Variants in KIF25 observed in about 807,000 individuals in gnomAD.
The protein encoded by KIF25 is kinesin-like protein KIF25.
Under a neutral mutation model 32.9 loss-of-function variants are expected in KIF25, and 19 were observed. The ratio of observed to expected loss-of-function variants is 0.58; its 90% CI spans 0.40 to 0.85. The LOEUF is 0.85. Among genes scored for constraint, KIF25 ranks in the 40% least tolerant of loss-of-function variants. KIF25 has a pLI of 0.00. For synonymous variants in KIF25, 225 were observed against 213.7 expected (o/e 1.05, Z -0.46); for missense variants, 485 against 507.0 (o/e 0.96, Z 0.42).
intron 8 of KIF25, among the ~76,000 whole-genome samples, chr6:168,034,665 C>G (rs1438100472): frequency 6.6e-6 from 1 of 152,138 alleles, no homozygotes; most frequent in Non-Finnish European, 1.5e-5. Flanking sequence ...ATGGGAAGCA[C>G]AGAGGGAAAA....
rs146001669 is a variant in KIF25, at chr6:168,008,725, G to A, written c.-163+5022G>A. Among the ~76,000 whole-genome samples, 1,412 of 152,074 alleles carry A rather than the reference G, an allele frequency of 9.3e-3. 23 individuals carry two copies. Among genetic ancestry groups the A allele is most frequent in the African/African-American group, 0.03 (1,266 of 41,510 alleles). The stretch of plus-strand genomic sequence containing the variant: ...TTGAGCATGAGATGTCTTTCCATTT[G>A]TTTGCATCCTCTTCAATTTCTTTCA... On this transcript the variant is annotated intron_variant, in intron 4 of 12. Coordinates refer to ENST00000643607, the MANE Select transcript of KIF25 (RefSeq NM_030615.4).
chr6:168,030,450 C>CCCTCT (rs1271762512), intron 6 of KIF25: 3 of 143,058 alleles, frequency 2.1e-5, no homozygotes, highest in Non-Finnish European at 3.1e-5. Flanking sequence ...CCCTCCCCTC[C>CCCTCT]CCTCTCATCT....
intron 12 of KIF25, 148 bp from the exon 13 acceptor site, chr6:168,044,679 A>T: frequency 1.3e-6 from 1 of 782,988 alleles, no homozygotes; most frequent in South Asian, 1.7e-5. Context: ...CCCCCGTCCC[A>T]GGAACCTGCC....
At position 168,042,093 on chromosome 6, in the gene KIF25, T is replaced by G. The variant is rs1482842754; in HGVS notation, c.771T>G (p.His257Gln). 6.4e-7 allele frequency: 1 copy of G among 1,551,566 alleles called. No homozygotes were observed. Among genetic ancestry groups the G allele is most frequent in the East Asian group, 2.4e-5 (1 of 41,050 alleles). ...TGGTTCCTGGGAACCCCGCAGGGCATGCGGAGCAGGTGCAGGCTCGACTAC... is the reference window on the plus strand; with the variant it reads ...TGGTTCCTGGGAACCCCGCAGGGCAGGCGGAGCAGGTGCAGGCTCGACTAC... ...PQLVPGNPAG[H>Q]AEQVQARLQL... Residue 257 changes from histidine (H) to glutamine (Q), a missense_variant, in exon 11 of 13, where the codon CAT becomes CAG. His to Gln is a conservative substitution (Grantham distance 24). Around this residue, in one of 2 missense-constraint regions of KIF25, gnomAD observed 480 missense variants for 470.3 expected, o/e 1.02. Coordinates refer to ENST00000643607, the MANE Select transcript of KIF25 (RefSeq NM_030615.4).
At chr6:168,009,671 T>C (rs12194885) in intron 4 of KIF25, among the ~76,000 whole-genome samples, 24,904 of 152,112 alleles carry the variant, frequency 0.16, 2,057 homozygotes, top group South Asian at 0.2. Context: ...TTTAAAGGTT[T>C]GGTCGAATTT....
At chr6:168,040,698 A>T (rs1037022471) in intron 10 of KIF25, among the ~76,000 whole-genome samples, 1 of 152,224 alleles carries the variant, frequency 6.6e-6, no homozygotes, top group Non-Finnish European at 1.5e-5. Context: ...GTCCACTGGG[A>T]TCCCAGGCTG....
intron 4 of KIF25, among the ~76,000 whole-genome samples, chr6:168,009,088 C>T (rs543270795): frequency 6.6e-6 from 1 of 152,192 alleles, no homozygotes; most frequent in South Asian, 2.1e-4. Context: ...TGCCTAATTG[C>T]TATGACTAGG....
At chr6:168,006,171 A>G (rs915462272) in intron 4 of KIF25, among the ~76,000 whole-genome samples, 23 of 151,984 alleles carry the variant, frequency 1.5e-4, no homozygotes, top group African/African-American at 5.6e-4. Flanking sequence ...TTAATTTTGT[A>G]AAGTGTGATG....
At chr6:167,999,566 T>A (rs1798469130) in intron 2 of KIF25, among the ~76,000 whole-genome samples, 1 of 152,228 alleles carries the variant, frequency 6.6e-6, no homozygotes. Flanking sequence ...TGGTAGTGGT[T>A]CTGCACCTGA....
At chr6:168,011,197 C>T (rs1292906985) in intron 4 of KIF25, among the ~76,000 whole-genome samples, 2 of 152,034 alleles carry the variant, frequency 1.3e-5, no homozygotes, top group Non-Finnish European at 2.9e-5. Flanking sequence ...CTTCTTACTT[C>T]CTCTCTTATT....
intron 6 of KIF25, 110 bp from the exon 7 acceptor site, chr6:168,030,663 T>C (rs1049082407): frequency 1.6e-5 from 11 of 705,458 alleles, no homozygotes; most frequent in Non-Finnish European, 2.7e-5. Context: ...CTGATGGCGT[T>C]GGGGGGATGG....
chr6:168,041,483 T>C (rs1340764503), intron 10 of KIF25, among the ~76,000 whole-genome samples: 3 of 152,262 alleles, frequency 2.0e-5, no homozygotes, highest in Non-Finnish European at 4.4e-5. Context: ...AAATTGTGTA[T>C]ACTTTCTATG....
intron 6 of KIF25, 36 bp downstream of exon 6, chr6:168,029,713 T>G (rs878894679): frequency 6.3e-7 from 1 of 1,591,042 alleles, no homozygotes; most frequent in Admixed American, 1.8e-5. Context: ...CAGGCCTGGG[T>G]CTGGAGCCGG....
chr6:168,024,973 C>T (rs896880930), intron 5 of KIF25, among the ~76,000 whole-genome samples: 4 of 152,168 alleles, frequency 2.6e-5, no homozygotes, highest in Non-Finnish European at 4.4e-5. Context: ...ATCGCATGAA[C>T]CCGGGAGGCA....
chr6:168,016,449 C>T (rs1333332848), intron 4 of KIF25, among the ~76,000 whole-genome samples: 6 of 152,378 alleles, frequency 3.9e-5, no homozygotes, highest in Admixed American at 3.3e-4. Context: ...CAGCCACCGG[C>T]TGCTCCTCCC....
At chr6:168,015,750 T>G (rs1798704211) in intron 4 of KIF25, among the ~76,000 whole-genome samples, 1 of 152,230 alleles carries the variant, frequency 6.6e-6, no homozygotes, top group Non-Finnish European at 1.5e-5. Context: ...TGAAGCTGTT[T>G]GGAAAAACTA....
intron 5 of KIF25, among the ~76,000 whole-genome samples, chr6:168,021,541 A>G (rs1798787872): frequency 6.6e-6 from 1 of 152,260 alleles, no homozygotes; most frequent in Non-Finnish European, 1.5e-5. Context: ...TATACCTGAC[A>G]TAAAAGTTTA....
rs200032863 is a variant in KIF25, at chr6:168,039,128, C to CA, written c.494+405dup. On this transcript the variant is annotated intron_variant, in intron 9 of 12. Coordinates refer to ENST00000643607, the MANE Select transcript of KIF25 (RefSeq NM_030615.4). ...TTAGAGATAAAAGTAAAAAAAACCA[C>CA]AAAAAATATTTTTTACAATCAAAAT... is the stretch of plus-strand genomic sequence containing the variant. 1.2e-4 allele frequency among the ~76,000 whole-genome samples: 18 copies of CA among 151,854 alleles called. 1 individual carries two copies. The highest frequency in any genetic ancestry group is 2.4e-4 in the Non-Finnish European group (16 of 67,962).
chr6:168,012,164 C>A (rs573561237), intron 4 of KIF25, among the ~76,000 whole-genome samples: 62 of 152,024 alleles, frequency 4.1e-4, no homozygotes, highest in African/African-American at 1.4e-3. Context: ...ATTTTGAATT[C>A]TTTTTCTGGT....
Sources: allele counts gnomAD v4.1 joint callset (sites outside exome capture counted in the v4.1 genomes callset), GRCh38; gene constraint gnomAD v4.1.1; regional missense constraint gnomAD v4.1.1; transcripts MANE v1.5; gene names NCBI Gene and HGNC (gene_info 2026-07-23, HGNC 2026-07-21).